HOOK3: variants seen among roughly 807,000 people sequenced by gnomAD.
HOOK3 encodes the protein protein Hook homolog 3.
In HOOK3, 24 loss-of-function variants were observed where a neutral mutation model predicts 116.3. The observed-to-expected ratio is 0.21, with a 90% CI of 0.15 to 0.29. The LOEUF is 0.29. Ranked by LOEUF, HOOK3 falls within the 10% of genes least tolerant of loss-of-function variation. The probability of loss-of-function intolerance (pLI) is 1.00; values close to 1 mark genes in which losing one functional copy is unlikely to be tolerated. For synonymous variants in HOOK3, 275 were observed against 283.0 expected (o/e 0.97, Z 0.28); for missense variants, 632 against 830.2 (o/e 0.76, Z 2.93).
intron 18 of HOOK3, among the ~76,000 whole-genome samples, chr8:43,009,629 A>G (rs1288295065): frequency 6.6e-6 from 1 of 152,176 alleles, no homozygotes; most frequent in East Asian, 1.9e-4. Flanking sequence ...ATTAATAAAG[A>G]GATAAGAGGT....
intron 8 of HOOK3, among the ~76,000 whole-genome samples, chr8:42,962,382 G>A (rs957429773): frequency 6.7e-5 from 10 of 148,502 alleles, no homozygotes; most frequent in East Asian, 2.0e-4. Context: ...GATTAAAGGC[G>A]TGACCCACTG....
chr8:42,999,497 TTA>T (rs1001466120), intron 16 of HOOK3, among the ~76,000 whole-genome samples: 22 of 152,338 alleles, frequency 1.4e-4, no homozygotes, highest in Middle Eastern at 3.4e-3. Flanking sequence ...GCAAATATTT[TTA>T]TGTTTTTGTC....
chr8:43,021,899 G>A lies in HOOK3; in HGVS notation c.*3401G>A, dbSNP rs1809837075. On this transcript the variant is annotated 3_prime_UTR_variant, in exon 22 of 22. Coordinates refer to ENST00000307602, the MANE Select transcript of HOOK3 (RefSeq NM_032410.4). The stretch of plus-strand genomic sequence containing the variant: ...TTAGCCAGGATGGTCTCGATCTCCT[G>A]ACCTCGTGATCCACCCGCCTCAGCC... 1 of 167,028 alleles carries A rather than the reference G, an allele frequency of 6.0e-6. No homozygotes were observed. Among genetic ancestry groups the A allele is most frequent in the Admixed American group, 6.4e-5 (1 of 15,516 alleles). The allele number at this position is 167,028 out of a possible 1,614,324, so 10.3% of individuals were successfully genotyped here.
chr8:42,925,409 T>C lies in HOOK3; in HGVS notation c.144-148T>C. Reference sequence around the variant, plus strand: ...CACCATACCTGGCCAACTTGACTGTTAGTAACACGAAAGTTATTTCGTGGC... The same window carrying C: ...CACCATACCTGGCCAACTTGACTGTCAGTAACACGAAAGTTATTTCGTGGC... On this transcript the variant is annotated intron_variant, in intron 2 of 21. Coordinates refer to ENST00000307602, the MANE Select transcript of HOOK3 (RefSeq NM_032410.4). The C allele has an allele frequency of 5.2e-6, 3 of 571,502 alleles. No homozygotes were observed. In the South Asian group the frequency reaches 6.5e-5, roughly 12 times the overall value. The allele number at this position is 571,502 out of a possible 1,614,324, so 35.4% of individuals were successfully genotyped here.
chr8:43,019,729 A>G lies in HOOK3; in HGVS notation c.*1231A>G, dbSNP rs1039821061. 8 of 204,854 alleles carry G rather than the reference A, an allele frequency of 3.9e-5. No individual in the cohort carries two copies. The highest frequency in any genetic ancestry group is 7.0e-5 in the Non-Finnish European group (7 of 100,308). 12.7% of individuals were successfully genotyped at this position (204,854 alleles called of 1,614,324 possible). A position where few individuals can be genotyped will look rare whatever the true frequency, so the allele number is the denominator to read the frequency against. On this transcript the variant is annotated 3_prime_UTR_variant, in exon 22 of 22. Transcript: ENST00000307602. Reference sequence around the variant, plus strand: ...GCACTTTGTATATATAAGGTGCTATATAAGTGTGAAATATCATTCATTTAT... The same window carrying G: ...GCACTTTGTATATATAAGGTGCTATGTAAGTGTGAAATATCATTCATTTAT...
chr8:42,992,687 G>C (rs937286324), intron 15 of HOOK3, among the ~76,000 whole-genome samples: 44 of 139,896 alleles, frequency 3.1e-4, no homozygotes, highest in Middle Eastern at 8.5e-3. Context: ...CTGCCCTGCA[G>C]CCTGGTGACA....
chr8:43,025,816 C>T lies in HOOK3; in HGVS notation c.*7318C>T. ...TAGGCTCAATTTTATGTCCTTCTTA[C>T]TTACACACAGTAGCCCCACACAGTT... On this transcript the variant is annotated 3_prime_UTR_variant, in exon 22 of 22. Transcript: ENST00000307602. The T allele has an allele frequency of 4.7e-6, 1 of 210,864 alleles. No homozygotes were observed. The highest frequency in any genetic ancestry group is 9.6e-6 in the Non-Finnish European group (1 of 104,134). The allele number at this position is 210,864 out of a possible 1,614,324, so 13.1% of individuals were successfully genotyped here.
chr8:43,008,570 C>G (rs1809538594), intron 18 of HOOK3, among the ~76,000 whole-genome samples: 6 of 152,124 alleles, frequency 3.9e-5, no homozygotes, highest in Admixed American at 3.9e-4. Context: ...TTGCCCACCT[C>G]AGTCTCCCAA....
At chr8:42,897,553 G>A (rs978670775) in intron 1 of HOOK3, among the ~76,000 whole-genome samples, 2 of 152,246 alleles carry the variant, frequency 1.3e-5, no homozygotes, top group Non-Finnish European at 2.9e-5. Context: ...GGACGGGCCC[G>A]GCTCCGGCCC....
chr8:42,984,223 C>T (rs565641007), intron 14 of HOOK3, among the ~76,000 whole-genome samples: 3 of 151,914 alleles, frequency 2.0e-5, no homozygotes, highest in Non-Finnish European at 4.4e-5. Context: ...ACAAAATTAA[C>T]TGGGCTTGGT....
chr8:42,997,685 G>T, intron 16 of HOOK3, 48 bp downstream of exon 16: 1 of 998,010 alleles, frequency 1.0e-6, no homozygotes, highest in Non-Finnish European at 1.6e-6. Flanking sequence ...TCACAATGTT[G>T]AGAAATAACT....
At chr8:42,924,126 G>GTT (rs376650935) in intron 2 of HOOK3, among the ~76,000 whole-genome samples, 148 of 150,382 alleles carry the variant, frequency 9.8e-4, no homozygotes, top group African/African-American at 3.4e-3. Context: ...TTGTCATTCT[G>GTT]TTTTTTTTTG....
intron 13 of HOOK3, among the ~76,000 whole-genome samples, chr8:42,977,294 G>A (rs1428109097): frequency 6.6e-6 from 1 of 152,090 alleles, no homozygotes; most frequent in Non-Finnish European, 1.5e-5. Flanking sequence ...TCTAAAATGG[G>A]AACCATGCTA....
intron 15 of HOOK3, among the ~76,000 whole-genome samples, chr8:42,994,689 G>A (rs555226040): frequency 1.9e-4 from 29 of 152,032 alleles, no homozygotes; most frequent in Non-Finnish European, 3.2e-4. Flanking sequence ...TCAATTTTTT[G>A]AGTATTTTCT....
At position 43,029,283 on chromosome 8, in the gene HOOK3, GGGAC is replaced by G. The variant is rs1809988844; in HGVS notation, c.*10786_*10789del. 6.1e-6 allele frequency: 1 copy of G among 165,208 alleles called. No individual in the cohort carries two copies. The highest frequency in any genetic ancestry group is 1.3e-5 in the Non-Finnish European group (1 of 75,704). 10.2% of individuals were successfully genotyped at this position (165,208 alleles called of 1,614,324 possible). A position where few individuals can be genotyped will look rare whatever the true frequency, so the allele number is the denominator to read the frequency against. On this transcript the variant is annotated 3_prime_UTR_variant, in exon 22 of 22. Coordinates refer to ENST00000307602, the MANE Select transcript of HOOK3 (RefSeq NM_032410.4). Reference sequence around the variant, plus strand: ...TCCTGCCTCAGCCTCCCAAGTAACTGGGACTGCAGGCACATGCCACCACATCCAG... The same window carrying G: ...TCCTGCCTCAGCCTCCCAAGTAACTGTGCAGGCACATGCCACCACATCCAG...
chr8:42,933,092 A>G (rs1215214397), intron 4 of HOOK3, among the ~76,000 whole-genome samples: 3 of 152,236 alleles, frequency 2.0e-5, no homozygotes, highest in African/African-American at 7.2e-5. Context: ...ACATTAGGCT[A>G]TCCACCTCAT....
chr8:42,925,068 G>C (rs562088679), intron 2 of HOOK3, among the ~76,000 whole-genome samples: 1 of 151,984 alleles, frequency 6.6e-6, no homozygotes, highest in South Asian at 2.1e-4. Flanking sequence ...ATTCTTGACT[G>C]TTTTTTTGTT....
At chr8:42,978,949 A>G (rs1808880807) in intron 13 of HOOK3, among the ~76,000 whole-genome samples, 1 of 152,124 alleles carries the variant, frequency 6.6e-6, no homozygotes, top group South Asian at 2.1e-4. Flanking sequence ...ACTTAACACA[A>G]TTATTTCAAA....
chr8:42,966,343 G>C (rs1162881854), intron 9 of HOOK3, 130 bp from the exon 10 acceptor site: 1 of 862,138 alleles, frequency 1.2e-6, no homozygotes, highest in Non-Finnish European at 1.7e-6. Context: ...AATGCAGCTT[G>C]TGGCCACTAA....
Sources: gnomAD v4.1 joint callset for allele counts (sites outside exome capture counted in the v4.1 genomes callset) on GRCh38, gnomAD v4.1.1 for gene constraint, MANE v1.5 for transcripts, NCBI Gene and HGNC (gene_info 2026-07-23, HGNC 2026-07-21) for gene names.